Variants in SH2D4A observed in about 807,000 individuals in gnomAD.
The protein encoded by SH2D4A is SH2 domain-containing protein 4A.
Under a neutral mutation model 64.7 loss-of-function variants are expected in SH2D4A, and 70 were observed. That is an observed-to-expected ratio of 1.08 (90% confidence interval 0.89 to 1.32). The LOEUF (loss-of-function observed/expected upper bound fraction) is 1.32. SH2D4A is among the 40% of genes most tolerant of loss of function. The probability of loss-of-function intolerance (pLI) is 0.00; values close to 1 mark genes in which losing one functional copy is unlikely to be tolerated. For missense variants in SH2D4A, 706 were observed against 540.1 expected (o/e 1.31, Z -3.04); for synonymous variants, 268 against 200.7 (o/e 1.34, Z -2.83).
intron 8 of SH2D4A, among the ~76,000 whole-genome samples, chr8:19,384,495 C>T (rs2053350485): frequency 6.6e-6 from 1 of 152,246 alleles, no homozygotes; most frequent in African/African-American, 2.4e-5. Context: ...TTGACCTTCA[C>T]ATGCAATCCT....
chr8:19,318,585 T>G (rs1204363015), intron 1 of SH2D4A, among the ~76,000 whole-genome samples: 2 of 152,212 alleles, frequency 1.3e-5, no homozygotes, highest in Non-Finnish European at 2.9e-5. Context: ...ATGAACCTAA[T>G]GACCTCTTCA....
At chr8:19,371,028 G>A (rs531113561) in intron 7 of SH2D4A, among the ~76,000 whole-genome samples, 172 of 152,130 alleles carry the variant, frequency 1.1e-3, no homozygotes, top group Non-Finnish European at 2.3e-3. Context: ...CTTGCATTTT[G>A]TATTTTTGAG....
intron 4 of SH2D4A, 116 bp from the exon 5 acceptor site, chr8:19,357,087 G>A: frequency 2.6e-6 from 2 of 778,500 alleles, no homozygotes; most frequent in African/African-American, 1.7e-5. Context: ...GCCTTGGGTG[G>A]ATCCATCTGT....
chr8:19,319,628 G>C lies in SH2D4A; in HGVS notation c.81G>C (p.Leu27=), dbSNP rs1449419945. The C allele has an allele frequency of 1.9e-6, 3 of 1,611,288 alleles. No individual in the cohort carries two copies. Among genetic ancestry groups the C allele is most frequent in the Non-Finnish European group, 1.7e-6 (2 of 1,179,000 alleles). ...TCAGCGAAGAACAGAAACAGATCCT[G>C]TTCTTCAAGATGAGAGAGGAACAGA... ...AELSEEQKQI[L]FFKMREEQIR... Residue 27 remains leucine (L), a synonymous_variant, in exon 2 of 10, where the codon CTG becomes CTC. Transcript: ENST00000265807.
rs2052118500 is a variant in SH2D4A, at chr8:19,317,959, TG to T, written c.-204-1383del. Among the ~76,000 whole-genome samples the T allele has an allele frequency of 2.0e-5, 3 of 152,264 alleles. No individual in the cohort carries two copies. The South Asian group carries it at 6.2e-4, about 32-fold the overall frequency. Reference sequence around the variant, plus strand: ...CTCTGTTGCCCAGGCTGGAGTGTAGTGGCGCGATCTCGGCTCACTGCAACCT... The same window carrying T: ...CTCTGTTGCCCAGGCTGGAGTGTAGTGCGCGATCTCGGCTCACTGCAACCT... On this transcript the variant is annotated intron_variant, in intron 1 of 9. Coordinates refer to ENST00000265807, the MANE Select transcript of SH2D4A (RefSeq NM_022071.4).
chr8:19,362,415 C>T (rs2153648402), intron 6 of SH2D4A, among the ~76,000 whole-genome samples: 1 of 152,256 alleles, frequency 6.6e-6, no homozygotes, highest in Non-Finnish European at 1.5e-5. Context: ...TAGTCATGCG[C>T]TGTATGATGT....
intron 9 of SH2D4A, among the ~76,000 whole-genome samples, chr8:19,393,747 C>T (rs2053538959): frequency 6.6e-6 from 1 of 152,126 alleles, no homozygotes; most frequent in African/African-American, 2.4e-5. Context: ...CTTAAATACT[C>T]AGGGAACCCC....
intron 6 of SH2D4A, 101 bp from the exon 7 acceptor site, chr8:19,363,971 G>T: frequency 1.9e-6 from 2 of 1,079,634 alleles, no homozygotes; most frequent in Non-Finnish European, 2.7e-6. Flanking sequence ...ACAACAAACT[G>T]CTGAGAACCT....
chr8:19,331,267 G>C (rs532713471), intron 2 of SH2D4A, among the ~76,000 whole-genome samples: 1 of 152,340 alleles, frequency 6.6e-6, no homozygotes, highest in African/African-American at 2.4e-5. Flanking sequence ...AACCTCCTTT[G>C]ACTTAGTGTG....
intron 7 of SH2D4A, among the ~76,000 whole-genome samples, chr8:19,366,175 GAC>G (rs2052990748): frequency 1.3e-5 from 2 of 151,992 alleles, no homozygotes; most frequent in Non-Finnish European, 2.9e-5. Flanking sequence ...GTTTTTAATT[GAC>G]ACAATAATTG....
chr8:19,345,681 A>C (rs2052601543), intron 4 of SH2D4A, among the ~76,000 whole-genome samples: 1 of 152,216 alleles, frequency 6.6e-6, no homozygotes, highest in Admixed American at 6.5e-5. Context: ...ACATATAAAA[A>C]TGTAGAGAGC....
chr8:19,368,188 G>C (rs1186128509), intron 7 of SH2D4A, among the ~76,000 whole-genome samples: 1 of 152,002 alleles, frequency 6.6e-6, no homozygotes, highest in Non-Finnish European at 1.5e-5. Context: ...ATTTATTTCT[G>C]GGTTCTTTAT....
chr8:19,356,941 G>C (rs1454079745), intron 4 of SH2D4A, among the ~76,000 whole-genome samples: 1 of 152,230 alleles, frequency 6.6e-6, no homozygotes, highest in Non-Finnish European at 1.5e-5. Context: ...CTAAATGGGA[G>C]CAAAATATAC....
In SH2D4A at chr8:19,319,719, C is replaced by G; in HGVS notation, c.172C>G (p.Pro58Ala). ...GGAGTCCCTGCCAGTGAAACCCAGA[C>G]CAAAGAAAGGTAAACTTATCCACGT... ...RKESLPVKPR[P>A]KKENGKSVHW... Residue 58 changes from proline to alanine, a missense_variant, in exon 2 of 10, where the codon CCA becomes GCA. Physicochemically the swap from Pro to Ala is conservative, Grantham distance 27. Transcript: ENST00000265807. 6.3e-7 allele frequency: 1 copy of G among 1,581,362 alleles called. No individual in the cohort carries two copies. Among genetic ancestry groups the G allele is most frequent in the Non-Finnish European group, 8.6e-7 (1 of 1,167,872 alleles).
intron 7 of SH2D4A, among the ~76,000 whole-genome samples, chr8:19,371,374 C>G (rs1269916768): frequency 1.3e-5 from 2 of 151,682 alleles, no homozygotes; most frequent in African/African-American, 2.4e-5. Context: ...TTCCTTCAGT[C>G]TCAGCATGTA....
intron 7 of SH2D4A, among the ~76,000 whole-genome samples, chr8:19,371,529 A>C (rs1462317850): frequency 6.6e-6 from 1 of 152,110 alleles, no homozygotes; most frequent in Non-Finnish European, 1.5e-5. Flanking sequence ...GGGTTTGATT[A>C]TAATATGTCT....
At chr8:19,394,297 G>C (rs1240329696) in intron 9 of SH2D4A, among the ~76,000 whole-genome samples, 1 of 152,176 alleles carries the variant, frequency 6.6e-6, no homozygotes, top group Non-Finnish European at 1.5e-5. Context: ...CCACAGACTG[G>C]TACTGGTCCA....
chr8:19,356,416 G>A (rs184917717), intron 4 of SH2D4A, among the ~76,000 whole-genome samples: 82 of 152,238 alleles, frequency 5.4e-4, no homozygotes, highest in African/African-American at 1.8e-3. Context: ...TATACTTTGC[G>A]GTAATGTGGG....
At chr8:19,327,135 A>G (rs1330610909) in intron 2 of SH2D4A, among the ~76,000 whole-genome samples, 1 of 152,192 alleles carries the variant, frequency 6.6e-6, no homozygotes, top group Non-Finnish European at 1.5e-5. Context: ...TCTACTTGGC[A>G]GTGTTGTTCT....
Sources: allele counts gnomAD v4.1 joint callset (sites outside exome capture counted in the v4.1 genomes callset), GRCh38; gene constraint gnomAD v4.1.1; transcripts MANE v1.5; gene names NCBI Gene and HGNC (gene_info 2026-07-23, HGNC 2026-07-21).